PDE8A: variants seen among roughly 807,000 people sequenced by gnomAD.
PDE8A encodes the protein high affinity cAMP-specific and IBMX-insensitive 3',5'-cyclic phosphodiesterase 8A.
PDE8A carries 59 observed loss-of-function variants against 105.0 expected under a neutral mutation model. The observed-to-expected ratio is 0.56, with a 90% CI of 0.46 to 0.70. PDE8A has a LOEUF of 0.70. Ranked by LOEUF, PDE8A falls within the 30% of genes least tolerant of loss-of-function variation. The pLI, the probability that PDE8A is intolerant of heterozygous loss-of-function variation, is 0.00. For synonymous variants in PDE8A, 355 were observed against 371.9 expected (o/e 0.95, Z 0.52); for missense variants, 1,014 against 1,045.9 (o/e 0.97, Z 0.42).
chr15:85,138,007 C>T lies in PDE8A; in HGVS notation c.*104C>T, dbSNP rs2082440085. On this transcript the variant is annotated 3_prime_UTR_variant, in exon 22 of 22. Coordinates refer to ENST00000394553, the MANE Select transcript of PDE8A (RefSeq NM_002605.3). The stretch of plus-strand genomic sequence containing the variant: ...TCCTTTCAGTACTAGGCAGAACAGC[C>T]CCCGATCTGCATAGCCTGTGAAAGC... 2 of 689,466 alleles carry T rather than the reference C, an allele frequency of 2.9e-6. No individual in the cohort carries two copies. The highest frequency in any genetic ancestry group is 5.4e-5 in the East Asian group (2 of 36,930). The allele number at this position is 689,466 out of a possible 1,614,324, so 42.7% of individuals were successfully genotyped here. A position where few individuals can be genotyped will look rare whatever the true frequency, so the allele number is the denominator to read the frequency against.
At chr15:85,057,220 A>G (rs1212390552) in intron 1 of PDE8A, among the ~76,000 whole-genome samples, 1 of 152,150 alleles carries the variant, frequency 6.6e-6, no homozygotes, top group East Asian at 1.9e-4. Context: ...GTTGGCCCCT[A>G]CTGGAAGATG....
intron 1 of PDE8A, among the ~76,000 whole-genome samples, chr15:85,020,688 T>G (rs1567232863): frequency 6.6e-6 from 1 of 152,180 alleles, no homozygotes; most frequent in Non-Finnish European, 1.5e-5. Context: ...TACAAAGAAT[T>G]CCTGCGTAGT....
intron 1 of PDE8A, among the ~76,000 whole-genome samples, chr15:85,057,488 G>A (rs1171138297): frequency 2.0e-5 from 3 of 152,126 alleles, no homozygotes; most frequent in East Asian, 1.9e-4. Flanking sequence ...TGTGCTTCCC[G>A]GGTGAGGCGA....
chr15:85,096,514 A>G (rs968133330), intron 8 of PDE8A, among the ~76,000 whole-genome samples: 8 of 152,186 alleles, frequency 5.3e-5, no homozygotes, highest in Admixed American at 4.6e-4. Flanking sequence ...AGTTTTGCAA[A>G]TGTCACAATT....
At chr15:85,004,716 T>C (rs867608167) in intron 1 of PDE8A, among the ~76,000 whole-genome samples, 1 of 152,330 alleles carries the variant, frequency 6.6e-6, no homozygotes, top group Middle Eastern at 3.4e-3. Flanking sequence ...CTGCTTCCGT[T>C]CATTGCTGTC....
In PDE8A at chr15:85,081,642, T is replaced by C. The variant is rs542446684; in HGVS notation, c.547-1914T>C. On this transcript the variant is annotated intron_variant, in intron 5 of 21. Transcript: ENST00000394553. ...CTTTCTGAGGATCCCTGGACCTGAT[T>C]CTTCACCCTCCATGCCCTGTGGGAT... Among the ~76,000 whole-genome samples, 207 of 152,288 alleles carry C rather than the reference T, an allele frequency of 1.4e-3. 1 individual carries two copies. The highest frequency in any genetic ancestry group is 4.8e-3 in the African/African-American group (200 of 41,556).
intron 1 of PDE8A, among the ~76,000 whole-genome samples, chr15:85,056,088 G>GA (rs1209604023): frequency 6.6e-6 from 1 of 152,142 alleles, no homozygotes; most frequent in Non-Finnish European, 1.5e-5. Flanking sequence ...GGCTGGATAT[G>GA]AAATTCTGGG....
intron 9 of PDE8A, among the ~76,000 whole-genome samples, chr15:85,098,748 C>A (rs1274944253): frequency 6.6e-6 from 1 of 151,956 alleles, no homozygotes; most frequent in African/African-American, 2.4e-5. Context: ...TCCCTTGAGC[C>A]CAGGAGTTTG....
At chr15:85,047,424 G>A (rs185292016) in intron 1 of PDE8A, among the ~76,000 whole-genome samples, 121 of 152,244 alleles carry the variant, frequency 7.9e-4, no homozygotes, top group African/African-American at 2.7e-3. Flanking sequence ...GTAGTTGTCC[G>A]GCTGTTAGGA....
At chr15:85,083,331 A>G (rs565874530) in intron 5 of PDE8A, among the ~76,000 whole-genome samples, 80 of 152,272 alleles carry the variant, frequency 5.3e-4, no homozygotes, top group African/African-American at 1.8e-3. Context: ...TAAAAAAATG[A>G]AAGGCTACTA....
At chr15:85,077,614 C>T (rs1288387769) in intron 5 of PDE8A, among the ~76,000 whole-genome samples, 2 of 152,132 alleles carry the variant, frequency 1.3e-5, no homozygotes, top group East Asian at 3.8e-4. Context: ...TCAGTCAAAG[C>T]TGGAGTCAAT....
intron 1 of PDE8A, among the ~76,000 whole-genome samples, chr15:84,982,590 C>T (rs1318237693): frequency 1.3e-5 from 2 of 150,648 alleles, no homozygotes; most frequent in Non-Finnish European, 3.0e-5. Context: ...TGTGTCGCGG[C>T]GTCGGTTTTT....
At chr15:85,006,353 G>T (rs1026464136) in intron 1 of PDE8A, among the ~76,000 whole-genome samples, 1 of 152,140 alleles carries the variant, frequency 6.6e-6, no homozygotes, top group Non-Finnish European at 1.5e-5. Context: ...TAAATGTGGT[G>T]GTGAATGTCT....
chr15:85,072,642 A>G (rs60210952), intron 3 of PDE8A, among the ~76,000 whole-genome samples: 13,469 of 152,164 alleles, frequency 0.089, 1,655 homozygotes, highest in African/African-American at 0.28. Flanking sequence ...ATAGTAGAGA[A>G]ACACTGGTAG....
chr15:85,005,289 A>AT (rs1480431642), intron 1 of PDE8A, among the ~76,000 whole-genome samples: 3 of 151,888 alleles, frequency 2.0e-5, no homozygotes, highest in East Asian at 1.9e-4. Context: ...TAATGTTTTA[A>AT]TTTTTTTGTA....
intron 16 of PDE8A, among the ~76,000 whole-genome samples, chr15:85,117,351 C>A (rs2082111890): frequency 6.6e-6 from 1 of 152,162 alleles, no homozygotes; most frequent in African/African-American, 2.4e-5. Flanking sequence ...GAAGCTGAAC[C>A]TGGAAGGACA....
chr15:85,007,647 G>A (rs1000192396), intron 1 of PDE8A, among the ~76,000 whole-genome samples: 1 of 151,944 alleles, frequency 6.6e-6, no homozygotes, highest in Non-Finnish European at 1.5e-5. Context: ...TACTTAACCT[G>A]TTTGTGCCTC....
At chr15:84,982,438 C>A (rs976640772) in intron 1 of PDE8A, 90 bp downstream of exon 1, 41 of 794,384 alleles carry the variant, frequency 5.2e-5, no homozygotes, top group South Asian at 2.8e-4. Context: ...GGGTCCCCCC[C>A]ACCCGGCCTC....
chr15:85,073,345 C>T lies in PDE8A; in HGVS notation c.435-2517C>T, dbSNP rs141813218. Among the ~76,000 whole-genome samples, 5 of 152,250 alleles carry T rather than the reference C, an allele frequency of 3.3e-5. No homozygotes were observed. The East Asian group carries it at 7.7e-4, about 23-fold the overall frequency. On this transcript the variant is annotated intron_variant, in intron 3 of 21. Coordinates refer to ENST00000394553, the MANE Select transcript of PDE8A (RefSeq NM_002605.3). The stretch of plus-strand genomic sequence containing the variant: ...TTCCTGACATTTCTGTTTTCTAGCC[C>T]GTTCTTCCTTCATATGCACCAGAAA...
Sources: gnomAD v4.1 joint callset for allele counts (sites outside exome capture counted in the v4.1 genomes callset) on GRCh38, gnomAD v4.1.1 for gene constraint, MANE v1.5 for transcripts, NCBI Gene and HGNC (gene_info 2026-07-23, HGNC 2026-07-21) for gene names.